XPO4: variants seen among roughly 807,000 people sequenced by gnomAD.
XPO4 encodes exportin 4, also known as exportin-4.
A neutral mutation model predicts 143.0 loss-of-function variants in XPO4; 39 were observed. The ratio of observed to expected loss-of-function variants is 0.27; its 90% CI spans 0.21 to 0.36. The LOEUF (loss-of-function observed/expected upper bound fraction) is 0.36, where lower values mean the gene tolerates loss of function less well. Ranked by LOEUF, XPO4 falls within the 10% of genes least tolerant of loss-of-function variation. The pLI is 1.00. For missense variants in XPO4, 907 were observed against 1,348.0 expected (o/e 0.67, Z 5.12); for synonymous variants, 439 against 474.0 (o/e 0.93, Z 0.96).
At chr13:20,845,304 C>G (rs2060019658) in intron 4 of XPO4, among the ~76,000 whole-genome samples, 1 of 152,154 alleles carries the variant, frequency 6.6e-6, no homozygotes, top group African/African-American at 2.4e-5. Flanking sequence ...TCAGACTTTT[C>G]CACACCTGGA....
At chr13:20,848,428 A>G in intron 4 of XPO4, 1 of 985,384 alleles carries the variant, frequency 1.0e-6, no homozygotes. Context: ...ACCCTCTGCC[A>G]TACCTAATTT....
rs535474878 is a variant in XPO4, at chr13:20,797,278, C to T, written c.2323-221G>A. 1.3e-4 allele frequency among the ~76,000 whole-genome samples: 20 copies of T among 152,238 alleles called. No homozygotes were observed. The East Asian group carries it at 2.5e-3, about 19-fold the overall frequency. ...CACCCAAAGCATGGGACATAACTGTCTCCCTGCCATTCAAAGAATTCTGCC... is the reference window on the plus strand; with the variant it reads ...CACCCAAAGCATGGGACATAACTGTTTCCCTGCCATTCAAAGAATTCTGCC... On this transcript the variant is annotated intron_variant, in intron 16 of 22. Coordinates refer to ENST00000255305, the MANE Select transcript of XPO4 (RefSeq NM_022459.5).
intron 1 of XPO4, among the ~76,000 whole-genome samples, chr13:20,890,251 AC>A (rs35748599): frequency 0.057 from 8,660 of 151,766 alleles, 613 homozygotes; most frequent in African/African-American, 0.17. Flanking sequence ...AGGGTTCAAG[AC>A]CAGCCTGTGC....
At chr13:20,788,721 TTC>T in intron 19 of XPO4, 105 bp from the exon 20 acceptor site, 1 of 1,158,610 alleles carries the variant, frequency 8.6e-7, no homozygotes, top group South Asian at 1.8e-5. Flanking sequence ...ATATAATGAT[TTC>T]TTTAAAACAT....
Position 20,789,282 on chromosome 13 carries a change from T to TAG in XPO4, c.2917-668_2917-667dup, listed in dbSNP as rs562314296. On this transcript the variant is annotated intron_variant, in intron 19 of 22. Coordinates refer to ENST00000255305, the MANE Select transcript of XPO4 (RefSeq NM_022459.5). ...GGTCATCAACATTGTTTCCAATAGT[T>TAG]AGAGACGCTCTCAAGGAGGGGGAAG... is the stretch of plus-strand genomic sequence containing the variant. Among the ~76,000 whole-genome samples the TAG allele has an allele frequency of 2.9e-3, 443 of 152,286 alleles. 5 individuals are homozygous for TAG. Among genetic ancestry groups the TAG allele is most frequent in the African/African-American group, 9.9e-3 (413 of 41,560 alleles).
intron 9 of XPO4, among the ~76,000 whole-genome samples, chr13:20,818,419 T>C (rs1310214941): frequency 6.6e-6 from 1 of 152,200 alleles, no homozygotes. Context: ...CCTATGAAGA[T>C]GCTCTTCTTC....
At position 20,842,972 on chromosome 13, in the gene XPO4, G is replaced by A. The variant is rs1186462106; in HGVS notation, c.650C>T (p.Ala217Val). 1 of 1,613,620 alleles carries A rather than the reference G, an allele frequency of 6.2e-7. No individual in the cohort carries two copies. The highest frequency in any genetic ancestry group is 1.1e-5 in the South Asian group (1 of 91,030). Reference protein sequence around the residue: ...QEFSRRENLNAQMSSVFQRYL... With the variant: ...QEFSRRENLNVQMSSVFQRYL... Reference sequence around the variant, plus strand: ...ACGCTGAAATACTGAAGACATCTGAGCATTGAGGTTTTCCCGCCTGCTGAA... The same window carrying A: ...ACGCTGAAATACTGAAGACATCTGAACATTGAGGTTTTCCCGCCTGCTGAA... The change falls in exon 6 of 23, where the codon GCT (alanine) becomes GTT (valine). Residue 217 changes from alanine (A) to valine (V), a missense_variant. Ala to Val is a moderately conservative substitution (Grantham distance 64). Coordinates refer to ENST00000255305, the MANE Select transcript of XPO4 (RefSeq NM_022459.5).
rs1419087038 is a variant in XPO4, at chr13:20,827,176, C to T, written c.731G>A (p.Gly244Asp). The T allele has an allele frequency of 6.2e-7, 1 of 1,609,992 alleles. No homozygotes were observed. Among genetic ancestry groups the T allele is most frequent in the African/African-American group, 1.3e-5 (1 of 74,812 alleles). Residue 244 changes from glycine to aspartate, a missense_variant, in exon 7 of 23, where the codon GGC becomes GAC. Gly to Asp is a moderately conservative substitution (Grantham distance 94). Transcript: ENST00000255305. ...TTCAAACATAGCTATATAATGTCTG[C>T]CCAGTTATTTGGTGTCAAGGTCAAC... ...LSWNFLPPNL[G>D]RHYIAMFESS...
intron 1 of XPO4, among the ~76,000 whole-genome samples, chr13:20,892,257 T>C (rs868422906): frequency 2.0e-4 from 31 of 152,200 alleles, no homozygotes; most frequent in African/African-American, 5.8e-4. Context: ...TGGCTAATTT[T>C]TTGTATTTTT....
At chr13:20,793,967 A>G (rs1283009595) in intron 18 of XPO4, among the ~76,000 whole-genome samples, 1 of 152,170 alleles carries the variant, frequency 6.6e-6, no homozygotes, top group East Asian at 1.9e-4. Context: ...GGCAGTTCTG[A>G]TTTCCTAAAG....
In XPO4 at chr13:20,786,865, C is replaced by A. The variant is rs533032255; in HGVS notation, c.3258+100G>T. 1.2e-3 allele frequency: 1,086 copies of A among 882,736 alleles called. 1 individual carries two copies. Among genetic ancestry groups the A allele is most frequent in the Non-Finnish European group, 1.6e-3 (990 of 604,032 alleles). 54.7% of individuals were successfully genotyped at this position (882,736 alleles called of 1,614,324 possible). On this transcript the variant is annotated intron_variant, in intron 22 of 22. Transcript: ENST00000255305. ...GAAACAGAACTGAAGCACTGAGTCA[C>A]AGATCCTATAAGGGGGGATTAATGA...
intron 16 of XPO4, 124 bp downstream of exon 16, chr13:20,799,040 AG>A (rs1171596008): frequency 2.0e-6 from 2 of 1,003,692 alleles, no homozygotes; most frequent in Non-Finnish European, 2.8e-6. Context: ...AAAAAAAGAA[AG>A]AAAGAAAGAA....
intron 16 of XPO4, 131 bp downstream of exon 16, chr13:20,799,034 A>C: frequency 1.0e-6 from 1 of 967,854 alleles, no homozygotes. Context: ...AAAAAAAAAA[A>C]AAGAAAGAAA....
chr13:20,894,717 C>G (rs1171952620), intron 1 of XPO4, among the ~76,000 whole-genome samples: 1 of 151,876 alleles, frequency 6.6e-6, no homozygotes, highest in East Asian at 1.9e-4. Flanking sequence ...ATGGCAGGCA[C>G]CTGTAAATCC....
chr13:20,842,081 T>C (rs1475002356), intron 6 of XPO4, among the ~76,000 whole-genome samples: 1 of 152,202 alleles, frequency 6.6e-6, no homozygotes, highest in African/African-American at 2.4e-5. Context: ...AAATGTATTG[T>C]TTCATTTAAT....
intron 6 of XPO4, among the ~76,000 whole-genome samples, chr13:20,834,049 A>C (rs866376193): frequency 6.6e-6 from 1 of 152,186 alleles, no homozygotes; most frequent in African/African-American, 2.4e-5. Context: ...ATGGGGCTAC[A>C]AAGTGCAGAG....
intron 3 of XPO4, among the ~76,000 whole-genome samples, chr13:20,861,581 C>A (rs916448065): frequency 5.9e-5 from 9 of 151,840 alleles, no homozygotes; most frequent in African/African-American, 2.2e-4. Flanking sequence ...TAGGCATGAG[C>A]CACCACATCA....
rs564036527 is a variant in XPO4, at chr13:20,884,134, G to A, written c.70-15433C>T. On this transcript the variant is annotated intron_variant, in intron 1 of 22. Transcript: ENST00000255305. ...TCACACCTGTAATCCTGGCACTTTG[G>A]GAGGCGGAGGCAGGAGGATCGCTTA... is the stretch of plus-strand genomic sequence containing the variant. Among the ~76,000 whole-genome samples the A allele has an allele frequency of 8.7e-4, 132 of 152,276 alleles. 3 individuals carry two copies. The South Asian group carries it at 0.026, about 30-fold the overall frequency.
At chr13:20,801,256 A>C (rs921885864) in intron 13 of XPO4, among the ~76,000 whole-genome samples, 1 of 152,366 alleles carries the variant, frequency 6.6e-6, no homozygotes, top group East Asian at 1.9e-4. Flanking sequence ...GAATATCAGC[A>C]TTACTAGCTA....
Sources: allele counts gnomAD v4.1 joint callset (sites outside exome capture counted in the v4.1 genomes callset), GRCh38; gene constraint gnomAD v4.1.1; transcripts MANE v1.5; gene names NCBI Gene and HGNC (gene_info 2026-07-23, HGNC 2026-07-21).